The following ADAM7 variants were observed in gnomAD, a reference collection of about 807,000 sequenced individuals.
ADAM7 encodes the protein ADAM metallopeptidase domain 7, also known as disintegrin and metalloproteinase domain-containing protein 7.
In ADAM7, 97 loss-of-function variants were observed where a neutral mutation model predicts 102.9. The observed-to-expected ratio is 0.94, with a 90% CI of 0.80 to 1.12. The LOEUF is 1.12. Among genes scored for constraint, ADAM7 ranks in the 50% most tolerant of loss-of-function variants. The probability of loss-of-function intolerance (pLI) is 0.00; values close to 1 mark genes in which losing one functional copy is unlikely to be tolerated. For missense variants in ADAM7, 991 were observed against 908.7 expected (o/e 1.09, Z -1.16); for synonymous variants, 334 against 304.4 (o/e 1.10, Z -1.01).
At chr8:24,460,587 A>G (rs1451024565) in intron 3 of ADAM7, among the ~76,000 whole-genome samples, 7 of 152,070 alleles carry the variant, frequency 4.6e-5, no homozygotes, top group Non-Finnish European at 5.9e-5. Context: ...TAGAGATTGC[A>G]GCATATATTT....
intron 16 of ADAM7, among the ~76,000 whole-genome samples, chr8:24,498,739 A>C (rs750005313): frequency 6.6e-6 from 1 of 151,872 alleles, no homozygotes; most frequent in Non-Finnish European, 1.5e-5. Context: ...TAACAAAACC[A>C]ATAATATTTT....
At chr8:24,452,660 A>G (rs1453517849) in intron 3 of ADAM7, among the ~76,000 whole-genome samples, 2 of 149,490 alleles carry the variant, frequency 1.3e-5, no homozygotes, top group African/African-American at 2.5e-5. Flanking sequence ...ATTTAAAGTT[A>G]ATATTGTTAT....
rs770579336 is a variant in ADAM7 at position 24,508,517 on chromosome 8, T to C, written c.*-29T>C. 2.5e-6 allele frequency: 4 copies of C among 1,608,012 alleles called. No individual in the cohort carries two copies. In the Admixed American group the frequency reaches 6.7e-5, roughly 27 times the overall value. ...GGTTCACAGATTTCATAGGAAACAA[T>C]CTATTTTTAACCATCTGTTTCTATT... is the stretch of plus-strand genomic sequence containing the variant. On this transcript the variant is annotated intron_variant, in intron 21 of 21. Transcript: ENST00000175238.
chr8:24,505,302 G>A (rs191415689), intron 20 of ADAM7, among the ~76,000 whole-genome samples: 1 of 152,202 alleles, frequency 6.6e-6, no homozygotes, highest in East Asian at 1.9e-4. Flanking sequence ...TAGATCCTAA[G>A]CTTCCTTTAA....
intron 3 of ADAM7, among the ~76,000 whole-genome samples, chr8:24,453,530 G>A (rs1176390020): frequency 6.6e-6 from 1 of 152,048 alleles, no homozygotes; most frequent in Non-Finnish European, 1.5e-5. Context: ...CTCTGTATTG[G>A]TTATTCTAGT....
Position 24,485,320 on chromosome 8 carries a change from G to A in ADAM7, c.919G>A (p.Gly307Arg), listed in dbSNP as rs1321416435. 3 of 1,613,500 alleles carry A rather than the reference G, an allele frequency of 1.9e-6. No homozygotes were observed. The highest frequency in any genetic ancestry group is 2.5e-6 in the Non-Finnish European group (3 of 1,179,756). Residue 307 changes from glycine (G) to arginine (R), a missense_variant, in exon 10 of 22, where the codon GGG (glycine) becomes AGG (arginine). Gly to Arg is a moderately radical substitution (Grantham distance 125, BLOSUM62 -2). Transcript: ENST00000175238. ...ACATGTGCAAGGAATTTCTTATCCA[G>A]GGGGTATGTGCCTGCCCTATTATTC... ...YSHVQGISYP[G>R]GMCLPYYSTS...
intron 5 of ADAM7, 50 bp from the exon 6 acceptor site, chr8:24,466,749 A>G: frequency 1.3e-6 from 2 of 1,538,216 alleles, no homozygotes; most frequent in Non-Finnish European, 1.8e-6. Flanking sequence ...ATACAATGAA[A>G]TAGAGTAATT....
chr8:24,488,881 G>A (rs930785518), intron 11 of ADAM7, among the ~76,000 whole-genome samples: 1 of 152,108 alleles, frequency 6.6e-6, no homozygotes, highest in Non-Finnish European at 1.5e-5. Flanking sequence ...CCAAATTAAA[G>A]AGGATGTGGA....
chr8:24,506,250 G>GA, intron 20 of ADAM7: 1 of 1,029,564 alleles, frequency 9.7e-7, no homozygotes, highest in Non-Finnish European at 1.4e-6. Context: ...CCTTGAAAAG[G>GA]ACCAATAATA....
intron 16 of ADAM7, among the ~76,000 whole-genome samples, chr8:24,494,853 T>C (rs1820499970): frequency 1.3e-5 from 2 of 152,074 alleles, no homozygotes; most frequent in Non-Finnish European, 2.9e-5. Flanking sequence ...ATGGAAAACA[T>C]TTTGGTAATA....
intron 10 of ADAM7, among the ~76,000 whole-genome samples, chr8:24,486,363 T>A (rs1820144416): frequency 6.6e-6 from 1 of 152,198 alleles, no homozygotes; most frequent in Admixed American, 6.5e-5. Flanking sequence ...GACATTTAAG[T>A]TTTTCCCATA....
At chr8:24,479,953 A>G (rs1819894359) in intron 8 of ADAM7, among the ~76,000 whole-genome samples, 1 of 152,164 alleles carries the variant, frequency 6.6e-6, no homozygotes, top group Non-Finnish European at 1.5e-5. Flanking sequence ...TAGAGGCAAC[A>G]TTCTTTCTAA....
At chr8:24,466,112 T>C (rs749734774) in intron 5 of ADAM7, among the ~76,000 whole-genome samples, 5 of 152,212 alleles carry the variant, frequency 3.3e-5, no homozygotes, top group Non-Finnish European at 7.4e-5. Context: ...CATTTGCTAG[T>C]GGTAAAATTG....
At chr8:24,494,852 A>C (rs1197787889) in intron 16 of ADAM7, among the ~76,000 whole-genome samples, 1 of 152,180 alleles carries the variant, frequency 6.6e-6, no homozygotes, top group East Asian at 1.9e-4. Context: ...GATGGAAAAC[A>C]TTTTGGTAAT....
At chr8:24,479,707 A>C (rs1044601786) in intron 8 of ADAM7, among the ~76,000 whole-genome samples, 1 of 152,046 alleles carries the variant, frequency 6.6e-6, no homozygotes, top group Non-Finnish European at 1.5e-5. Context: ...ACTTGGCCTG[A>C]AGCAGTTCAT....
At chr8:24,500,296 C>A (rs1451093539) in intron 18 of ADAM7, 40 bp downstream of exon 18, 1 of 1,562,704 alleles carries the variant, frequency 6.4e-7, no homozygotes. Context: ...TATCAAAAGC[C>A]TACCCAGCGA....
chr8:24,492,495 A>G lies in ADAM7; in HGVS notation c.1553A>G (p.Glu518Gly), dbSNP rs1299423289. Reference protein sequence around the residue: ...EDQCSELFDDEAIESHDICYK... With the variant: ...EDQCSELFDDGAIESHDICYK... ...ACTTTTATACCATTTTTTACCCCAGAGGCAATAGAGAGTCATGATATCTGC... is the reference window on the plus strand; with the variant it reads ...ACTTTTATACCATTTTTTACCCCAGGGGCAATAGAGAGTCATGATATCTGC... The change falls in exon 15 of 22, where the codon GAG becomes GGG. Residue 518 changes from glutamate to glycine, a missense_variant and splice_region_variant. Coordinates refer to ENST00000175238, the MANE Select transcript of ADAM7 (RefSeq NM_003817.4). The G allele has an allele frequency of 6.3e-7, 1 of 1,597,416 alleles. No individual in the cohort carries two copies. Among genetic ancestry groups the G allele is most frequent in the Middle Eastern group, 1.8e-4 (1 of 5,596 alleles).
rs1337825013 is a variant in ADAM7 at position 24,509,419 on chromosome 8, T to C, written c.*873T>C. The C allele has an allele frequency of 1.0e-6, 1 of 985,334 alleles. No individual in the cohort carries two copies. 61.0% of individuals were successfully genotyped at this position (985,334 alleles called of 1,614,324 possible). On this transcript the variant is annotated 3_prime_UTR_variant, in exon 22 of 22. Transcript: ENST00000175238. The stretch of plus-strand genomic sequence containing the variant: ...TCTTACACAGATGCCTCTCAAGGTG[T>C]TCTTTTGTGTCCTCTATTTTCTTCT...
chr8:24,455,205 C>T (rs1183508828), intron 3 of ADAM7, among the ~76,000 whole-genome samples: 2 of 152,134 alleles, frequency 1.3e-5, no homozygotes, highest in Non-Finnish European at 1.5e-5. Context: ...CTAACATATA[C>T]ATATACCCAT....
Sources: gnomAD v4.1 joint callset for allele counts (sites outside exome capture counted in the v4.1 genomes callset) on GRCh38, gnomAD v4.1.1 for gene constraint, MANE v1.5 for transcripts, NCBI Gene and HGNC (gene_info 2026-07-23, HGNC 2026-07-21) for gene names.